Variants in ITPR3 observed in about 807,000 individuals in gnomAD.
The protein encoded by ITPR3 is inositol 1,4,5-trisphosphate receptor type 3, also known as inositol 1,4,5-trisphosphate-gated calcium channel ITPR3.
A neutral mutation model predicts 293.2 loss-of-function variants in ITPR3; 173 were observed. The observed-to-expected ratio is 0.59, with a 90% confidence interval of 0.52 to 0.67. The LOEUF (loss-of-function observed/expected upper bound fraction) is 0.67, where lower values mean the gene tolerates loss of function less well. ITPR3 is among the 30% of genes least tolerant of loss of function. ITPR3 has a pLI of 0.00. For missense variants in ITPR3, 2,796 were observed against 3,592.1 expected, an observed-to-expected ratio of 0.78 and a Z score of 5.66; for synonymous variants, 1,295 against 1,444.4, an observed-to-expected ratio of 0.90 and a Z score of 2.35.
In ITPR3 at chr6:33,638,867, T is replaced by C. The variant is rs1327625894; in HGVS notation, c.90-1617T>C. Among the ~76,000 whole-genome samples the C allele has an allele frequency of 2.0e-5, 3 of 152,042 alleles. No homozygotes were observed. Among genetic ancestry groups the C allele is most frequent in the African/African-American group, 7.2e-5 (3 of 41,408 alleles). The stretch of plus-strand genomic sequence containing the variant: ...CAGGGGCTGGCCAAGGAAGGCTTTG[T>C]AGAGTAGGAAAGCAGAGCTGAGGGT... On this transcript the variant is annotated intron_variant, in intron 1 of 57. Coordinates refer to ENST00000605930, the MANE Select transcript of ITPR3 (RefSeq NM_002224.4). This position sits in a 1 kb window ranked among gnomAD's most constrained non-coding sequence, Gnocchi z 4.3.
At position 33,658,569 on chromosome 6, in the gene ITPR3, C is replaced by A; in HGVS notation, c.370-101C>A. ...CAGGTGTCTGACACTATGTGTGCAGCCAGAATGTGACCAAGGGTCTAGGGG... is the reference window on the plus strand; with the variant it reads ...CAGGTGTCTGACACTATGTGTGCAGACAGAATGTGACCAAGGGTCTAGGGG... On this transcript the variant is annotated intron_variant, in intron 4 of 57. Transcript: ENST00000605930. The surrounding 1 kb of genome is among the most constrained non-coding windows in gnomAD (Gnocchi z 6.1). The A allele has an allele frequency of 7.2e-7, 1 of 1,381,010 alleles. No homozygotes were observed. The allele number at this position is 1,381,010 out of a possible 1,614,324, so 85.5% of individuals were successfully genotyped here. A position where few individuals can be genotyped will look rare whatever the true frequency, so the allele number is the denominator to read the frequency against.
rs980830471 is a variant in ITPR3 at position 33,658,175 on chromosome 6, C to CTG, written c.369+167_369+168dup. The stretch of plus-strand genomic sequence containing the variant: ...GCCACCTGTGTGGCTGTGCGTCTGA[C>CTG]TGTGTGTGTGTCTGTTGCTGTGTGG... On this transcript the variant is annotated intron_variant, in intron 4 of 57. Coordinates refer to ENST00000605930, the MANE Select transcript of ITPR3 (RefSeq NM_002224.4). The surrounding 1 kb of genome is among the most constrained non-coding windows in gnomAD (Gnocchi z 6.1). Among the ~76,000 whole-genome samples the CTG allele has an allele frequency of 2.1e-4, 32 of 152,148 alleles. No homozygotes were observed. Among genetic ancestry groups the CTG allele is most frequent in the African/African-American group, 7.5e-4 (31 of 41,502 alleles).
chr6:33,693,196 T>C (rs3818526), intron 55 of ITPR3, among the ~76,000 whole-genome samples: 22,930 of 152,206 alleles, frequency 0.15, 2,067 homozygotes, highest in Middle Eastern at 0.23. Context: ...AATGAAGTGC[T>C]AGTCCCCTCA....
rs1765168699 is a variant in ITPR3, at chr6:33,684,495, T to C, written c.5046+30T>C. On this transcript the variant is annotated intron_variant, in intron 37 of 57. Coordinates refer to ENST00000605930, the MANE Select transcript of ITPR3 (RefSeq NM_002224.4). The surrounding 1 kb of genome is among the most constrained non-coding windows in gnomAD (Gnocchi z 4.2). ...GTGCCCTGGTGGGGCAAGTGCTGGG[T>C]GGGCCAGTCAGGAGTACCCAGGGGC... The C allele has an allele frequency of 1.2e-6, 2 of 1,609,462 alleles. No homozygotes were observed. Among genetic ancestry groups the C allele is most frequent in the Non-Finnish European group, 1.7e-6 (2 of 1,176,026 alleles).
chr6:33,622,341 CATTA>C (rs1763458257), intron 1 of ITPR3, among the ~76,000 whole-genome samples: 1 of 152,200 alleles, frequency 6.6e-6, no homozygotes, highest in Admixed American at 6.5e-5. Flanking sequence ...ACTTCACAAA[CATTA>C]ATTAATTCTG....
chr6:33,643,053 C>T (rs944503588), intron 2 of ITPR3, among the ~76,000 whole-genome samples: 4 of 152,194 alleles, frequency 2.6e-5, no homozygotes, highest in Non-Finnish European at 5.9e-5. Context: ...CACTGGAGCC[C>T]AGAAAAGACA....
At chr6:33,688,490 A>G in intron 48 of ITPR3, 59 bp downstream of exon 48, 2 of 1,501,168 alleles carry the variant, frequency 1.3e-6, no homozygotes. Context: ...ATGCCCTGTT[A>G]TAACGGCCTC....
At position 33,624,002 on chromosome 6, in the gene ITPR3, T is replaced by C. The variant is rs1382825196; in HGVS notation, c.89+2311T>C. On this transcript the variant is annotated intron_variant, in intron 1 of 57. Transcript: ENST00000605930. The surrounding 1 kb of genome is among the most constrained non-coding windows in gnomAD (Gnocchi z 4.7). ...AGGTGCACCACACGACTGCAACCTG[T>C]CCCGCGCTCTCAGTCTCTTTACCTT... Among the ~76,000 whole-genome samples the C allele has an allele frequency of 5.9e-5, 9 of 152,200 alleles. No homozygotes were observed. The highest frequency in any genetic ancestry group is 1.2e-4 in the Non-Finnish European group (8 of 68,046).
chr6:33,690,380 G>A (rs1016919135), intron 51 of ITPR3, among the ~76,000 whole-genome samples, 182 bp downstream of exon 51: 3 of 152,088 alleles, frequency 2.0e-5, no homozygotes, highest in Non-Finnish European at 4.4e-5. Flanking sequence ...AGGCCCTGAT[G>A]GCCACTCCTG....
chr6:33,669,215 C>A, intron 18 of ITPR3, 59 bp downstream of exon 18: 1 of 1,539,820 alleles, frequency 6.5e-7, no homozygotes, highest in Non-Finnish European at 8.8e-7. Flanking sequence ...TCTCAGTAGG[C>A]CGTCAGTCAA....
Position 33,684,743 on chromosome 6 carries a change from C to T in ITPR3, c.5138-31C>T, listed in dbSNP as rs371774554. 16 of 1,610,152 alleles carry T rather than the reference C, an allele frequency of 9.9e-6. No homozygotes were observed. The highest frequency in any genetic ancestry group is 1.3e-5 in the Non-Finnish European group (15 of 1,177,526). ...CCTCCCTTCCACTCTCCTGTCACAC[C>T]AGCTCTCCCTCAACCGAGTCCCGCC... On this transcript the variant is annotated intron_variant, in intron 38 of 57. Coordinates refer to ENST00000605930, the MANE Select transcript of ITPR3 (RefSeq NM_002224.4). This position sits in a 1 kb window ranked among gnomAD's most constrained non-coding sequence, Gnocchi z 4.2.
At chr6:33,685,960 C>T in intron 41 of ITPR3, 93 bp from the exon 42 acceptor site, 1 of 1,526,740 alleles carries the variant, frequency 6.5e-7, no homozygotes, top group Non-Finnish European at 8.9e-7. Flanking sequence ...TGGTGGTTCC[C>T]CTACCCCTGC....
rs9469543 is a variant in ITPR3, at chr6:33,665,981, G to A, written c.1551+5G>A. The A allele has an allele frequency of 2.1e-3, 3,309 of 1,599,570 alleles. 64 individuals are homozygous for A. The African/African-American group carries it at 0.035, about 17-fold the overall frequency. On this transcript the variant is annotated splice_donor_5th_base_variant and intron_variant, in intron 14 of 57. Transcript: ENST00000605930. ...GAGCAGAACATCCTCAAACAGGTGC[G>A]TGTGCACCCATGAGGGGACGCAGAG...
rs769457606 is a variant in ITPR3, at chr6:33,662,631, C to T, written c.815C>T (p.Ser272Phe). ...TTCCTGCGAACTACACTGCGCCAGT[C>T]TGCCACCTCGGCCACCAGCTCCAAT... ...QVFLRTTLRQ[S>F]ATSATSSNAL... Residue 272 changes from serine (S) to phenylalanine (F), a missense_variant, in exon 8 of 58, where the codon TCT (serine) becomes TTT (phenylalanine). Ser to Phe is a radical substitution (Grantham distance 155). This residue lies in a region of ITPR3 where 955 missense variants were observed against 1,180.8 expected (regional missense o/e 0.81). Coordinates refer to ENST00000605930, the MANE Select transcript of ITPR3 (RefSeq NM_002224.4). The T allele has an allele frequency of 2.2e-5, 35 of 1,610,904 alleles. No individual in the cohort carries two copies. In the Middle Eastern group the frequency reaches 8.2e-4, roughly 38 times the overall value.
chr6:33,668,076 C>A, intron 16 of ITPR3, 112 bp downstream of exon 16: 2 of 1,205,998 alleles, frequency 1.7e-6, no homozygotes, highest in Non-Finnish European at 2.3e-6. Flanking sequence ...AACTGCCACC[C>A]TGAATAGCAC....
Position 33,688,792 on chromosome 6 carries a change from A to G in ITPR3, c.6694+11A>G. Reference sequence around the variant, plus strand: ...AGGGCGCGTCCACAGGTGAGAACACAGGGCTGGCCGGCAGGTTCCCCGGGC... The same window carrying G: ...AGGGCGCGTCCACAGGTGAGAACACGGGGCTGGCCGGCAGGTTCCCCGGGC... On this transcript the variant is annotated intron_variant, in intron 49 of 57. Transcript: ENST00000605930. The G allele has an allele frequency of 6.2e-7, 1 of 1,614,086 alleles. No homozygotes were observed. Among genetic ancestry groups the G allele is most frequent in the Non-Finnish European group, 8.5e-7 (1 of 1,179,974 alleles).
Position 33,677,080 on chromosome 6 carries a change from C to T in ITPR3, c.3513C>T (p.Ile1171=), listed in dbSNP as rs375729259. 6.2e-5 allele frequency: 100 copies of T among 1,613,910 alleles called. No homozygotes were observed. Among genetic ancestry groups the T allele is most frequent in the African/African-American group, 8.0e-5 (6 of 74,922 alleles). ...PGEKSSENYQ[I]VKGILERLNK... ...AGAAAAGCAGTGAGAACTACCAGAT[C>T]GTCAAGGGCGTGAGTGGCCAAGGGT... The change falls in exon 27 of 58, where the codon ATC becomes ATT. Residue 1171 remains isoleucine, a synonymous_variant. Transcript: ENST00000605930.
At chr6:33,644,426 A>T (rs1764020103) in intron 2 of ITPR3, among the ~76,000 whole-genome samples, 1 of 151,200 alleles carries the variant, frequency 6.6e-6, no homozygotes, top group Admixed American at 6.6e-5. Flanking sequence ...CCTGGCCCAG[A>T]TCTTTTTACT....
At chr6:33,625,376 T>G (rs914314510) in intron 1 of ITPR3, among the ~76,000 whole-genome samples, 2 of 152,134 alleles carry the variant, frequency 1.3e-5, no homozygotes, top group African/African-American at 4.8e-5. Flanking sequence ...ATTACAGGCA[T>G]GTGCCTCCAC....
Sources: allele counts gnomAD v4.1 joint callset (sites outside exome capture counted in the v4.1 genomes callset), GRCh38; gene constraint gnomAD v4.1.1; regional missense constraint gnomAD v4.1.1; non-coding constraint Gnocchi (gnomAD v3.1); transcripts MANE v1.5; gene names NCBI Gene and HGNC (gene_info 2026-07-23, HGNC 2026-07-21).